SRGAP2C: variants seen among roughly 807,000 people sequenced by gnomAD.
SRGAP2C encodes SLIT-ROBO Rho GTPase activating protein 2C.
In SRGAP2C, 15 loss-of-function variants were observed where a neutral mutation model predicts 25.1. The observed-to-expected ratio is 0.60, with a 90% confidence interval of 0.40 to 0.92. SRGAP2C has a LOEUF of 0.92. Ranked by LOEUF, SRGAP2C falls within the 40% of genes least tolerant of loss-of-function variation. The pLI is 0.00. For missense variants in SRGAP2C, 144 were observed against 264.4 expected, an observed-to-expected ratio of 0.54 and a Z score of 3.16; for synonymous variants, 44 against 96.6, an observed-to-expected ratio of 0.46 and a Z score of 3.19.
chr1:121,365,124 TA>T (rs1659289287), intron 4 of SRGAP2C, among the ~76,000 whole-genome samples, 168 bp from the exon 5 acceptor site: 1 of 86,008 alleles, frequency 1.2e-5, no homozygotes, highest in African/African-American at 4.2e-5. Flanking sequence ...ACTCTTTGAG[TA>T]ATCTGACCAT....
chr1:121,228,983 A>G (rs10903200), intron 2 of SRGAP2C, among the ~76,000 whole-genome samples: 2 of 151,782 alleles, frequency 1.3e-5, no homozygotes, highest in Non-Finnish European at 2.9e-5. Context: ...GTGATCTCAG[A>G]CTCATAACAT....
intron 2 of SRGAP2C, among the ~76,000 whole-genome samples, chr1:121,212,292 G>A (rs1374855327): frequency 6.8e-5 from 10 of 146,468 alleles, no homozygotes; most frequent in Admixed American, 4.8e-4. Flanking sequence ...CACCACGCTC[G>A]GCTAATTTTT....
intron 2 of SRGAP2C, among the ~76,000 whole-genome samples, chr1:121,277,966 G>A (rs1246292293): frequency 2.8e-5 from 4 of 141,630 alleles, no homozygotes; most frequent in Admixed American, 7.1e-5. Flanking sequence ...TTTGAGACAG[G>A]GTGTTGCTCT....
At chr1:121,279,958 C>T (rs1313381307) in intron 2 of SRGAP2C, among the ~76,000 whole-genome samples, 2 of 151,210 alleles carry the variant, frequency 1.3e-5, no homozygotes, top group Non-Finnish European at 3.0e-5. Context: ...TTTTCCCCTT[C>T]ACTGGCAGAT....
chr1:121,277,337 C>T (rs1369059787), intron 2 of SRGAP2C, among the ~76,000 whole-genome samples: 5 of 152,076 alleles, frequency 3.3e-5, no homozygotes, highest in African/African-American at 2.4e-5. Context: ...TATCCATTAC[C>T]GCCCCTTTGC....
chr1:121,268,486 G>T (rs201065938), intron 2 of SRGAP2C, among the ~76,000 whole-genome samples: 1 of 150,916 alleles, frequency 6.6e-6, no homozygotes, highest in East Asian at 2.0e-4. Context: ...AGAGTAGACT[G>T]CAGGGAAGCA....
chr1:121,358,839 G>A (rs1371797810), intron 4 of SRGAP2C, among the ~76,000 whole-genome samples: 1 of 32,152 alleles, frequency 3.1e-5, no homozygotes, highest in Non-Finnish European at 6.0e-5. Context: ...TTATGGTGTG[G>A]AAACCTCTTG....
At chr1:121,308,111 T>A (rs1326592447) in intron 3 of SRGAP2C, among the ~76,000 whole-genome samples, 4 of 145,666 alleles carry the variant, frequency 2.7e-5, no homozygotes, top group African/African-American at 7.7e-5. Flanking sequence ...GCATTGTCCA[T>A]TAACTCTTTC....
At chr1:121,287,369 T>C in intron 3 of SRGAP2C, among the ~76,000 whole-genome samples, 1 of 108,150 alleles carries the variant, frequency 9.2e-6, no homozygotes, top group South Asian at 3.8e-4. Context: ...CCAGATGTTT[T>C]TTTCCTCAGA....
At chr1:121,288,629 A>C (rs1244876741) in intron 3 of SRGAP2C, among the ~76,000 whole-genome samples, 1 of 76,482 alleles carries the variant, frequency 1.3e-5, no homozygotes, top group Non-Finnish European at 2.6e-5. Context: ...CCTTGAGCTA[A>C]ACACAGGGTG....
At chr1:121,191,506 G>A (rs1654675335) in intron 2 of SRGAP2C, among the ~76,000 whole-genome samples, 2 of 149,030 alleles carry the variant, frequency 1.3e-5, no homozygotes, top group South Asian at 4.2e-4. Flanking sequence ...GGGGAGGGCT[G>A]ATGTACATTA....
intron 3 of SRGAP2C, among the ~76,000 whole-genome samples, chr1:121,298,401 A>AG (rs1657640920): frequency 7.1e-6 from 1 of 140,966 alleles, no homozygotes; most frequent in Admixed American, 7.3e-5. Flanking sequence ...GGCAAATAAA[A>AG]GAAGGCCAGT....
intron 3 of SRGAP2C, among the ~76,000 whole-genome samples, chr1:121,295,213 A>C (rs1657570186): frequency 7.7e-6 from 1 of 130,120 alleles, no homozygotes; most frequent in African/African-American, 2.8e-5. Flanking sequence ...TGGATGTGGA[A>C]GAAGTGGACA....
intron 2 of SRGAP2C, among the ~76,000 whole-genome samples, chr1:121,233,150 T>C (rs1376421813): frequency 2.1e-5 from 3 of 139,732 alleles, no homozygotes; most frequent in Non-Finnish European, 3.1e-5. Context: ...TGGTTCTTTT[T>C]TTTTTTTTTT....
chr1:121,198,192 G>T (rs1431216294), intron 2 of SRGAP2C, among the ~76,000 whole-genome samples: 1 of 117,816 alleles, frequency 8.5e-6, no homozygotes, highest in Admixed American at 9.0e-5. Flanking sequence ...ATATGTATTC[G>T]TGAGGAAGGA....
chr1:121,218,797 TGGGCCA>T (rs1655460677), intron 2 of SRGAP2C, among the ~76,000 whole-genome samples: 1 of 152,090 alleles, frequency 6.6e-6, no homozygotes, highest in South Asian at 2.1e-4. Flanking sequence ...TCTTTTTATG[TGGGCCA>T]GGGCTTTTTC....
At chr1:121,315,247 G>A (rs1200171871) in intron 3 of SRGAP2C, among the ~76,000 whole-genome samples, 8 of 152,000 alleles carry the variant, frequency 5.3e-5, no homozygotes, top group Non-Finnish European at 8.8e-5. Context: ...GGGCTCACGC[G>A]ATCTTCCCAC....
At chr1:121,216,104 G>A (rs1655377054) in intron 2 of SRGAP2C, among the ~76,000 whole-genome samples, 1 of 152,186 alleles carries the variant, frequency 6.6e-6, no homozygotes, top group Non-Finnish European at 1.5e-5. Context: ...GCAAAGCTGG[G>A]TACCTGAATC....
intron 2 of SRGAP2C, among the ~76,000 whole-genome samples, chr1:121,216,856 C>G (rs1207790394): frequency 4.7e-5 from 5 of 107,168 alleles, no homozygotes; most frequent in Admixed American, 9.2e-5. Flanking sequence ...CTTCATAGCC[C>G]TTAATCACTT....
Sources: gnomAD v4.1 joint callset for allele counts (sites outside exome capture counted in the v4.1 genomes callset) on GRCh38, gnomAD v4.1.1 for gene constraint, MANE v1.5 for transcripts, NCBI Gene and HGNC (gene_info 2026-07-23, HGNC 2026-07-21) for gene names.